Variants in SH3GLB1 observed in about 807,000 individuals in gnomAD.
SH3GLB1 encodes the protein endophilin-B1.
A neutral mutation model predicts 42.0 loss-of-function variants in SH3GLB1; 17 were observed. The ratio of observed to expected loss-of-function variants is 0.40; its 90% CI spans 0.28 to 0.61. The LOEUF (loss-of-function observed/expected upper bound fraction) is 0.61, where lower values mean the gene tolerates loss of function less well. SH3GLB1 is among the 20% of genes least tolerant of loss of function. The pLI is 0.36. For missense variants in SH3GLB1, 355 were observed against 426.3 expected (o/e 0.83, Z 1.47); for synonymous variants, 132 against 146.6 (o/e 0.90, Z 0.72).
chr1:86,710,266 A>ATT (rs34909531), intron 1 of SH3GLB1, among the ~76,000 whole-genome samples: 3 of 145,926 alleles, frequency 2.1e-5, no homozygotes, highest in Non-Finnish European at 3.0e-5. Flanking sequence ...TCTTGAAAGA[A>ATT]TTTTTTTTTT....
intron 1 of SH3GLB1, 67 bp from the exon 2 acceptor site, chr1:86,715,657 C>T: frequency 6.8e-7 from 1 of 1,474,452 alleles, no homozygotes; most frequent in Non-Finnish European, 9.1e-7. Flanking sequence ...TTGCTTTTTA[C>T]TTATTGATAT....
chr1:86,734,715 T>C (rs578235562), intron 6 of SH3GLB1, 24 bp downstream of exon 6: 10 of 1,585,280 alleles, frequency 6.3e-6, no homozygotes, highest in Non-Finnish European at 8.6e-6. Context: ...CATTGGAAAT[T>C]CATTTGGAAC....
chr1:86,746,581 A>G lies in SH3GLB1; in HGVS notation c.*3346A>G, dbSNP rs1443871022. On this transcript the variant is annotated 3_prime_UTR_variant, in exon 9 of 9. Coordinates refer to ENST00000370558, the MANE Select transcript of SH3GLB1 (RefSeq NM_016009.5). Reference sequence around the variant, plus strand: ...CCATATTACGCTCATTAGAAAGTCTACTCAGGGCTGGGTGCCGTGGCTCAT... The same window carrying G: ...CCATATTACGCTCATTAGAAAGTCTGCTCAGGGCTGGGTGCCGTGGCTCAT... 1 of 152,106 alleles carries G rather than the reference A, an allele frequency of 6.6e-6. No individual in the cohort carries two copies. The highest frequency in any genetic ancestry group is 6.5e-5 in the Admixed American group (1 of 15,268). The allele number at this position is 152,106 out of a possible 1,614,324, so 9.4% of individuals were successfully genotyped here. A position where few individuals can be genotyped will look rare whatever the true frequency, so the allele number is the denominator to read the frequency against.
chr1:86,709,085 G>T (rs1490020683), intron 1 of SH3GLB1, among the ~76,000 whole-genome samples: 1 of 152,192 alleles, frequency 6.6e-6, no homozygotes, highest in Admixed American at 6.5e-5. Flanking sequence ...ACAAGAGCTT[G>T]CTGTGAAATC....
chr1:86,724,440 T>G (rs1251124169), intron 5 of SH3GLB1, 35 bp downstream of exon 5: 1 of 1,433,622 alleles, frequency 7.0e-7, no homozygotes, highest in Non-Finnish European at 9.5e-7. Flanking sequence ...GATTAATAAC[T>G]TTAAGATTTG....
chr1:86,705,591 A>G (rs1289086700), intron 1 of SH3GLB1, among the ~76,000 whole-genome samples: 1 of 152,188 alleles, frequency 6.6e-6, no homozygotes, highest in African/African-American at 2.4e-5. Flanking sequence ...CTCTTTTTCA[A>G]AATGGGAAGC....
At chr1:86,739,731 AATATG>A (rs1250798394) in intron 7 of SH3GLB1, among the ~76,000 whole-genome samples, 4 of 152,138 alleles carry the variant, frequency 2.6e-5, no homozygotes, top group Non-Finnish European at 4.4e-5. Flanking sequence ...AGGTGGAGAA[AATATG>A]ATAATGTGGG....
At chr1:86,711,920 A>G (rs1316822782) in intron 1 of SH3GLB1, among the ~76,000 whole-genome samples, 1 of 152,086 alleles carries the variant, frequency 6.6e-6, no homozygotes, top group African/African-American at 2.4e-5. Flanking sequence ...AGTAATTTAA[A>G]TATTAATTTA....
chr1:86,739,311 G>A (rs1013203880), intron 7 of SH3GLB1, among the ~76,000 whole-genome samples: 5 of 152,206 alleles, frequency 3.3e-5, no homozygotes, highest in African/African-American at 9.6e-5. Flanking sequence ...GTTGAGGAAC[G>A]AGGCAAGGAA....
chr1:86,724,148 T>C (rs1022829387), intron 4 of SH3GLB1, among the ~76,000 whole-genome samples, 165 bp from the exon 5 acceptor site: 1 of 132,910 alleles, frequency 7.5e-6, no homozygotes, highest in African/African-American at 2.5e-5. Context: ...AACAAGGGGG[T>C]GGGGGGGGGC....
At chr1:86,707,953 C>T (rs1007279762) in intron 1 of SH3GLB1, among the ~76,000 whole-genome samples, 1 of 151,916 alleles carries the variant, frequency 6.6e-6, no homozygotes, top group Admixed American at 6.6e-5. Flanking sequence ...TTGAGATTAG[C>T]GTTTGAATAT....
At chr1:86,710,986 G>A (rs561676626) in intron 1 of SH3GLB1, among the ~76,000 whole-genome samples, 1 of 152,288 alleles carries the variant, frequency 6.6e-6, no homozygotes, top group African/African-American at 2.4e-5. Context: ...TAGAATCTTA[G>A]GGGTTGGATC....
At chr1:86,722,050 C>G (rs1654892999) in intron 3 of SH3GLB1, among the ~76,000 whole-genome samples, 1 of 137,804 alleles carries the variant, frequency 7.3e-6, no homozygotes, top group African/African-American at 2.8e-5. Context: ...ACAGGCCCTG[C>G]TGTGTTGCCC....
chr1:86,732,817 ACTTG>A (rs1336680356), intron 5 of SH3GLB1, among the ~76,000 whole-genome samples: 1 of 152,092 alleles, frequency 6.6e-6, no homozygotes, highest in African/African-American at 2.4e-5. Flanking sequence ...TACCTAGTTT[ACTTG>A]CTTATTACCT....
At chr1:86,733,733 C>G (rs527468721) in intron 5 of SH3GLB1, among the ~76,000 whole-genome samples, 114 of 152,270 alleles carry the variant, frequency 7.5e-4, no homozygotes, top group African/African-American at 2.6e-3. Context: ...CAGCAGTAAG[C>G]CTCCTTTATC....
At chr1:86,733,962 A>G (rs766120589) in intron 5 of SH3GLB1, among the ~76,000 whole-genome samples, 13 of 152,262 alleles carry the variant, frequency 8.5e-5, no homozygotes, top group Admixed American at 4.6e-4. Context: ...TTAAAACCCT[A>G]GTGTATCTTA....
intron 7 of SH3GLB1, among the ~76,000 whole-genome samples, 182 bp from the exon 8 acceptor site, chr1:86,742,026 C>G (rs554044272): frequency 2.0e-5 from 3 of 152,196 alleles, no homozygotes; most frequent in African/African-American, 7.2e-5. Flanking sequence ...TGAATTGTCT[C>G]TAGTATAATT....
At chr1:86,705,627 C>G (rs1570399686) in intron 1 of SH3GLB1, among the ~76,000 whole-genome samples, 1 of 152,054 alleles carries the variant, frequency 6.6e-6, no homozygotes, top group South Asian at 2.1e-4. Flanking sequence ...AGGAGAGATG[C>G]GGGGATATTG....
chr1:86,727,482 G>A (rs2101960069), intron 5 of SH3GLB1, among the ~76,000 whole-genome samples: 1 of 152,056 alleles, frequency 6.6e-6, no homozygotes, highest in East Asian at 1.9e-4. Context: ...GAAGTTCTTT[G>A]AGTGCCTTTA....
Sources: gnomAD v4.1 joint callset for allele counts (sites outside exome capture counted in the v4.1 genomes callset) on GRCh38, gnomAD v4.1.1 for gene constraint, MANE v1.5 for transcripts, NCBI Gene and HGNC (gene_info 2026-07-23, HGNC 2026-07-21) for gene names.